The following ABLIM3 variants were observed in gnomAD, a reference collection of about 807,000 sequenced individuals.
ABLIM3 encodes the protein actin binding LIM protein family member 3.
Under a neutral mutation model 109.5 loss-of-function variants are expected in ABLIM3, and 61 were observed. The ratio of observed to expected loss-of-function variants is 0.56; its 90% CI spans 0.45 to 0.69. The LOEUF (loss-of-function observed/expected upper bound fraction) is 0.69. ABLIM3 is among the 30% of genes least tolerant of loss of function. The pLI is 0.00. For missense variants in ABLIM3, 796 were observed against 889.5 expected (o/e 0.89, Z 1.34); for synonymous variants, 300 against 324.8 (o/e 0.92, Z 0.82).
At chr5:149,249,640 G>A (rs553035866) in intron 18 of ABLIM3, among the ~76,000 whole-genome samples, 175 bp from the exon 19 acceptor site, 1 of 152,308 alleles carries the variant, frequency 6.6e-6, no homozygotes, top group African/African-American at 2.4e-5. Context: ...AGGGAGATGG[G>A]GTGCAAGTGC....
intron 14 of ABLIM3, among the ~76,000 whole-genome samples, chr5:149,242,187 T>C (rs1429127917): frequency 6.6e-6 from 1 of 152,168 alleles, no homozygotes; most frequent in Non-Finnish European, 1.5e-5. Context: ...TGCATGGGGC[T>C]CTGCTGAGCA....
chr5:149,183,799 C>T lies in ABLIM3; in HGVS notation c.151+210C>T, dbSNP rs72660267. Among the ~76,000 whole-genome samples the T allele has an allele frequency of 8.8e-3, 1,334 of 152,204 alleles. 71 individuals are homozygous for T. The East Asian group carries it at 0.15, about 17-fold the overall frequency. ...TGAGGGAGACAAGGATCCTGGTAAC[C>T]TTGGAGGGGCAGGTGCTGAACCAGA... On this transcript the variant is annotated intron_variant, in intron 3 of 23. Transcript: ENST00000309868.
chr5:149,248,898 A>ACACACT (rs1753669816), intron 18 of ABLIM3, among the ~76,000 whole-genome samples: 1 of 139,644 alleles, frequency 7.2e-6, no homozygotes, highest in African/African-American at 2.6e-5. Flanking sequence ...ACACACACAC[A>ACACACT]CTCTGTCTGC....
intron 16 of ABLIM3, among the ~76,000 whole-genome samples, chr5:149,245,777 G>A (rs1253629842): frequency 6.6e-6 from 1 of 152,032 alleles, no homozygotes; most frequent in East Asian, 1.9e-4. Flanking sequence ...CAAGTATGGG[G>A]GGAAATTTTT....
chr5:149,230,807 T>G (rs1370135620), intron 9 of ABLIM3, 100 bp downstream of exon 9: 2 of 1,339,342 alleles, frequency 1.5e-6, no homozygotes, highest in African/African-American at 1.4e-5. Context: ...CATTCCTTAG[T>G]GTGCACACTC....
chr5:149,199,059 G>A (rs1758256132), intron 4 of ABLIM3: 1 of 456,670 alleles, frequency 2.2e-6, no homozygotes, highest in Non-Finnish European at 4.4e-6. Context: ...CTCCAGGGAT[G>A]GAGAGCTCAT....
intron 8 of ABLIM3, among the ~76,000 whole-genome samples, chr5:149,228,234 A>G (rs1371185390): frequency 6.6e-6 from 1 of 152,218 alleles, no homozygotes; most frequent in African/African-American, 2.4e-5. Flanking sequence ...TCCTAGTTCT[A>G]CAAAACAAAT....
rs2127580675 is a variant in ABLIM3, at chr5:149,258,493, T to C, written c.*89T>C. ...CTCGGTATAATCCTCTCTTGTGTAA[T>C]GGGACACACTGCCTGCCATGAGACT... On this transcript the variant is annotated 3_prime_UTR_variant, in exon 24 of 24. Coordinates refer to ENST00000309868, the MANE Select transcript of ABLIM3 (RefSeq NM_014945.5). 1 of 1,438,602 alleles carries C rather than the reference T, an allele frequency of 7.0e-7. No homozygotes were observed. Among genetic ancestry groups the C allele is most frequent in the African/African-American group, 1.4e-5 (1 of 69,178 alleles). The allele number at this position is 1,438,602 out of a possible 1,614,324, so 89.1% of individuals were successfully genotyped here. A position where few individuals can be genotyped will look rare whatever the true frequency, so the allele number is the denominator to read the frequency against.
Position 149,239,783 on chromosome 5 carries a change from C to T in ABLIM3, c.1099C>T (p.Arg367Trp), listed in dbSNP as rs150488528. The change falls in exon 13 of 24, where the codon CGG becomes TGG. Residue 367 changes from arginine (R) to tryptophan (W), a missense_variant. Arg to Trp is a moderately radical substitution (Grantham distance 101). Coordinates refer to ENST00000309868, the MANE Select transcript of ABLIM3 (RefSeq NM_014945.5). ...SQDIYENLDL[R>W]QRRASSPGYI... ...GGACATCTACGAGAACCTGGACCTC[C>T]GGCAGAGACGGGCCTCCAGCCCGGG... The T allele has an allele frequency of 2.5e-4, 403 of 1,607,536 alleles. No homozygotes were observed. Among genetic ancestry groups the T allele is most frequent in the African/African-American group, 1.1e-3 (80 of 74,652 alleles).
In ABLIM3 at chr5:149,209,679, G is replaced by T. The variant is rs74924414; in HGVS notation, c.576-1047G>T. Among the ~76,000 whole-genome samples, 979 of 152,256 alleles carry T rather than the reference G, an allele frequency of 6.4e-3. 11 individuals carry two copies. The highest frequency in any genetic ancestry group is 0.022 in the African/African-American group (927 of 41,550). On this transcript the variant is annotated intron_variant, in intron 6 of 23. Coordinates refer to ENST00000309868, the MANE Select transcript of ABLIM3 (RefSeq NM_014945.5). ...TTTCTCCCTGCAGAGCTACCCTCCC[G>T]CACCCACAGAGTGAGAACCTGATTG...
chr5:149,217,305 A>T, intron 8 of ABLIM3: 1 of 524,790 alleles, frequency 1.9e-6, no homozygotes, highest in East Asian at 3.4e-5. Flanking sequence ...CTTCCCTGGC[A>T]GTGCTCTGAG....
chr5:149,214,546 C>A (rs1460045509), intron 7 of ABLIM3, among the ~76,000 whole-genome samples: 4 of 152,162 alleles, frequency 2.6e-5, no homozygotes, highest in Non-Finnish European at 5.9e-5. Flanking sequence ...ACTACTTAAC[C>A]CTGTGGACTG....
At chr5:149,188,511 G>C (rs4572987) in intron 3 of ABLIM3, among the ~76,000 whole-genome samples, 1 of 152,028 alleles carries the variant, frequency 6.6e-6, no homozygotes, top group Non-Finnish European at 1.5e-5. Context: ...AAATGGAAAG[G>C]TGTCCCTTGC....
chr5:149,206,523 C>T (rs1237855862), intron 5 of ABLIM3, among the ~76,000 whole-genome samples: 2 of 152,150 alleles, frequency 1.3e-5, no homozygotes, highest in African/African-American at 2.4e-5. Flanking sequence ...GTGTATATAG[C>T]CTAAGGGTTT....
At chr5:149,233,789 G>C (rs1172117385) in intron 10 of ABLIM3, among the ~76,000 whole-genome samples, 2 of 152,180 alleles carry the variant, frequency 1.3e-5, no homozygotes, top group African/African-American at 4.8e-5. Flanking sequence ...CAAACATAAG[G>C]AAGAGGTTTC....
At chr5:149,199,064 G>T in intron 4 of ABLIM3, 1 of 456,660 alleles carries the variant, frequency 2.2e-6, no homozygotes, top group Non-Finnish European at 4.4e-6. Context: ...GGGATGGAGA[G>T]CTCATCCCTG....
At chr5:149,199,202 T>C (rs1758272300) in intron 4 of ABLIM3, 1 of 449,326 alleles carries the variant, frequency 2.2e-6, no homozygotes, top group Non-Finnish European at 4.5e-6. Flanking sequence ...TACCCACAAA[T>C]ACATTAAATG....
chr5:149,245,032 A>G lies in ABLIM3; in HGVS notation c.1486+17A>G. ...CCCCCAAAGGTAGTACCCCCATAGGAGCCTGGGTCCAGGGCCCTAACACCT... is the reference window on the plus strand; with the variant it reads ...CCCCCAAAGGTAGTACCCCCATAGGGGCCTGGGTCCAGGGCCCTAACACCT... On this transcript the variant is annotated intron_variant, in intron 16 of 23. Coordinates refer to ENST00000309868, the MANE Select transcript of ABLIM3 (RefSeq NM_014945.5). 1 of 1,614,072 alleles carries G rather than the reference A, an allele frequency of 6.2e-7. No homozygotes were observed. The highest frequency in any genetic ancestry group is 8.5e-7 in the Non-Finnish European group (1 of 1,179,992).
Position 149,252,731 on chromosome 5 carries a change from T to C in ABLIM3, c.1858-26T>C, listed in dbSNP as rs750302762. 6 of 1,597,306 alleles carry C rather than the reference T, an allele frequency of 3.8e-6. No homozygotes were observed. The Admixed American group carries it at 1.0e-4, about 27-fold the overall frequency. On this transcript the variant is annotated intron_variant, in intron 22 of 23. Transcript: ENST00000309868. ...ACAAGCCCACCACCCTCACCCAAGC[T>C]GGAGACCACCCCCCTTTCTCCTTAG...
Sources: gnomAD v4.1 joint callset for allele counts (sites outside exome capture counted in the v4.1 genomes callset) on GRCh38, gnomAD v4.1.1 for gene constraint, MANE v1.5 for transcripts, NCBI Gene and HGNC (gene_info 2026-07-23, HGNC 2026-07-21) for gene names.